The following CR1L variants were observed in gnomAD, a reference collection of about 807,000 sequenced individuals.
The protein encoded by CR1L is complement C3b/C4b receptor 1 like.
CR1L carries 59 observed loss-of-function variants against 62.3 expected under a neutral mutation model. That is an observed-to-expected ratio of 0.95 (90% CI 0.77 to 1.18). CR1L has a LOEUF of 1.18. Among genes scored for constraint, CR1L ranks in the 50% most tolerant of loss-of-function variants. The probability of loss-of-function intolerance (pLI) is 0.00; values close to 1 mark genes in which losing one functional copy is unlikely to be tolerated. For missense variants in CR1L, 700 were observed against 702.8 expected, an observed-to-expected ratio of 1.00 and a Z score of 0.04; for synonymous variants, 279 against 248.7, an observed-to-expected ratio of 1.12 and a Z score of -1.15.
At chr1:207,697,411 T>C (rs1250488375) in intron 5 of CR1L, 92 bp from the exon 6 acceptor site, 1 of 1,608,664 alleles carries the variant, frequency 6.2e-7, no homozygotes, top group Non-Finnish European at 8.5e-7. Context: ...TTGTTACATA[T>C]AGATTTGTAA....
In CR1L at chr1:207,706,013, G is replaced by GTATATATATATATATATA. The variant is rs139294447; in HGVS notation, c.1329-2150_1329-2133dup. Among the ~76,000 whole-genome samples, 301 of 133,466 alleles carry GTATATATATATATATATA rather than the reference G, an allele frequency of 2.3e-3. 3 individuals are homozygous for GTATATATATATATATATA. The highest frequency in any genetic ancestry group is 3.7e-3 in the Non-Finnish European group (228 of 60,890). The allele number at this position is 133,466 out of a possible 152,430, so 87.6% of individuals were successfully genotyped here. On this transcript the variant is annotated intron_variant, in intron 9 of 11. Coordinates refer to ENST00000508064, the MANE Select transcript of CR1L (RefSeq NM_175710.2). The stretch of plus-strand genomic sequence containing the variant: ...GTGTCATATATATGTGTGTGTGTAT[G>GTATATATATATATATATA]TATATATATATATATATATATATAT...
intron 2 of CR1L, among the ~76,000 whole-genome samples, chr1:207,677,910 C>T (rs2296157): frequency 0.46 from 70,518 of 152,012 alleles, 16,858 homozygotes; most frequent in East Asian, 0.69. Flanking sequence ...AATCTTGGGC[C>T]TTGAGATCTT....
intron 1 of CR1L, among the ~76,000 whole-genome samples, chr1:207,673,876 A>G (rs1371231414): frequency 6.6e-6 from 1 of 152,236 alleles, no homozygotes; most frequent in African/African-American, 2.4e-5. Flanking sequence ...AATTTTCATA[A>G]CAGTTTTGTT....
rs1663849133 is a variant in CR1L, at chr1:207,683,946, C to T, written c.452C>T (p.Pro151Leu). 4 of 1,612,596 alleles carry T rather than the reference C, an allele frequency of 2.5e-6. No homozygotes were observed. The highest frequency in any genetic ancestry group is 1.1e-5 in the South Asian group (1 of 90,878). The part of the protein sequence containing the change: ...GNTVIWDNKT[P>L]VCDRIICGLP... ...ACTGTCATTTGGGATAATAAAACAC[C>T]TGTTTGTGACAGTGAGTTGAAATAT... Residue 151 changes from proline to leucine, a missense_variant, in exon 4 of 12, where the codon CCT becomes CTT. Pro to Leu is a moderately conservative substitution (Grantham distance 98). Transcript: ENST00000508064.
In CR1L at chr1:207,677,443, A is replaced by G; in HGVS notation, c.152A>G (p.Asp51Gly). The G allele has an allele frequency of 6.2e-7, 1 of 1,613,352 alleles. No homozygotes were observed. Among genetic ancestry groups the G allele is most frequent in the Non-Finnish European group, 8.5e-7 (1 of 1,179,806 alleles). The change falls in exon 2 of 12, where the codon GAT becomes GGT. Residue 51 changes from aspartate (D) to glycine (G), a missense_variant. By Grantham distance (94) the Asp-to-Gly change is moderately conservative (BLOSUM62 -1). Transcript: ENST00000508064. ...LPFARPTNLT[D>G]DFEFPIGTYL... ...TTTGCCAGGCCTACCAACCTAACTG[A>G]TGACTTTGAGTTTCCCATTGGGACA... is the stretch of plus-strand genomic sequence containing the variant.
intron 1 of CR1L, among the ~76,000 whole-genome samples, chr1:207,654,005 A>G (rs552414506): frequency 6.6e-6 from 1 of 152,256 alleles, no homozygotes; most frequent in African/African-American, 2.4e-5. Context: ...CTTTATAACA[A>G]CCTGCTCTTG....
intron 1 of CR1L, among the ~76,000 whole-genome samples, chr1:207,666,663 G>C (rs537361972): frequency 6.6e-6 from 1 of 152,298 alleles, no homozygotes; most frequent in Admixed American, 6.5e-5. Flanking sequence ...AGAACACATG[G>C]ACAGATGTGG....
rs1464470478 is a variant in CR1L, at chr1:207,701,568, G to A, written c.1278G>A (p.Val426=). 3 of 1,613,698 alleles carry A rather than the reference G, an allele frequency of 1.9e-6. No homozygotes were observed. Among genetic ancestry groups the A allele is most frequent in the Non-Finnish European group, 2.5e-6 (3 of 1,179,774 alleles). Residue 426 remains valine, a synonymous_variant, in exon 9 of 12, where the codon GTG becomes GTA. Transcript: ENST00000508064. ...TTCCAGTGAATGGCATGGTGCATGT[G>A]ATCACAGACATCCATGTTGGATCCA... ...PPVPVNGMVH[V]ITDIHVGSRI...
intron 1 of CR1L, among the ~76,000 whole-genome samples, chr1:207,655,948 A>G (rs1663303198): frequency 6.6e-6 from 1 of 152,130 alleles, no homozygotes; most frequent in Non-Finnish European, 1.5e-5. Context: ...AAATATCACT[A>G]TACACTTCTG....
In CR1L at chr1:207,694,159, T is replaced by C. The variant is rs188811515; in HGVS notation, c.464-194T>C. ...TGGAGTTAATAAATGCATGCAAATATTATAGGAAATCATATAAGTAAGAAA... is the reference window on the plus strand; with the variant it reads ...TGGAGTTAATAAATGCATGCAAATACTATAGGAAATCATATAAGTAAGAAA... On this transcript the variant is annotated intron_variant, in intron 4 of 11. Coordinates refer to ENST00000508064, the MANE Select transcript of CR1L (RefSeq NM_175710.2). Among the ~76,000 whole-genome samples, 12 of 152,296 alleles carry C rather than the reference T, an allele frequency of 7.9e-5. No individual in the cohort carries two copies. In the East Asian group the frequency reaches 1.9e-3, roughly 24 times the overall value.
At chr1:207,656,224 C>T (rs542063411) in intron 1 of CR1L, among the ~76,000 whole-genome samples, 1 of 151,662 alleles carries the variant, frequency 6.6e-6, no homozygotes, top group Admixed American at 6.6e-5. Flanking sequence ...GGCGACAGAG[C>T]GAGATTCCGT....
intron 4 of CR1L, among the ~76,000 whole-genome samples, chr1:207,692,301 A>G (rs959160669): frequency 6.6e-6 from 1 of 152,196 alleles, no homozygotes; most frequent in African/African-American, 2.4e-5. Flanking sequence ...ACCGTAGTGA[A>G]TTCTTAGAAT....
At chr1:207,701,986 G>A (rs575953814) in intron 9 of CR1L, among the ~76,000 whole-genome samples, 43 of 152,176 alleles carry the variant, frequency 2.8e-4, no homozygotes, top group South Asian at 4.1e-4. Flanking sequence ...CAGCATGATC[G>A]CTTGCTAGGG....
chr1:207,670,576 G>T (rs1198665449), intron 1 of CR1L, among the ~76,000 whole-genome samples: 1 of 150,836 alleles, frequency 6.6e-6, no homozygotes, highest in African/African-American at 2.5e-5. Context: ...TTTTGGTCCT[G>T]TCTCTTCCTG....
At chr1:207,710,426 A>G in intron 10 of CR1L, 1 of 1,573,174 alleles carries the variant, frequency 6.4e-7, no homozygotes, top group East Asian at 2.2e-5. Flanking sequence ...TGGATATTTC[A>G]TTAGCACCGA....
At chr1:207,688,505 T>A (rs1663947109) in intron 4 of CR1L, among the ~76,000 whole-genome samples, 1 of 152,180 alleles carries the variant, frequency 6.6e-6, no homozygotes, top group African/African-American at 2.4e-5. Flanking sequence ...ATTTGATATC[T>A]GGTGGCATAT....
chr1:207,656,641 AG>A (rs1663316080), intron 1 of CR1L, among the ~76,000 whole-genome samples: 1 of 152,120 alleles, frequency 6.6e-6, no homozygotes, highest in South Asian at 2.1e-4. Flanking sequence ...GGAAAGGCAA[AG>A]GGGGAGCAAG....
At chr1:207,672,354 A>G (rs758993389) in intron 1 of CR1L, among the ~76,000 whole-genome samples, 50 of 148,532 alleles carry the variant, frequency 3.4e-4, no homozygotes, top group Non-Finnish European at 5.7e-4. Context: ...ATATGTATCC[A>G]TCTGACAGAG....
At chr1:207,690,521 C>G (rs1237435039) in intron 4 of CR1L, among the ~76,000 whole-genome samples, 1 of 152,174 alleles carries the variant, frequency 6.6e-6, no homozygotes, top group Non-Finnish European at 1.5e-5. Context: ...CTAGAAATGT[C>G]ATTTAGGAAA....
Sources: gnomAD v4.1 joint callset for allele counts (sites outside exome capture counted in the v4.1 genomes callset) on GRCh38, gnomAD v4.1.1 for gene constraint, MANE v1.5 for transcripts, NCBI Gene and HGNC (gene_info 2026-07-23, HGNC 2026-07-21) for gene names.